The following GRK5 variants were observed in gnomAD, a reference collection of about 807,000 sequenced individuals.
The protein encoded by GRK5 is G protein-coupled receptor kinase 5, also known as g protein-coupled receptor kinase GRK5.
GRK5 carries 40 observed loss-of-function variants against 78.4 expected under a neutral mutation model. The ratio of observed to expected loss-of-function variants is 0.51; its 90% CI spans 0.40 to 0.66. GRK5 has a LOEUF of 0.66. Among genes scored for constraint, GRK5 ranks in the 30% least tolerant of loss-of-function variants. The pLI is 0.00. For missense variants in GRK5, 598 were observed against 759.9 expected (o/e 0.79, Z 2.50); for synonymous variants, 289 against 296.8 (o/e 0.97, Z 0.27).
chr10:119,296,272 A>G, intron 1 of GRK5, among the ~76,000 whole-genome samples: 1 of 152,236 alleles, frequency 6.6e-6, no homozygotes, highest in East Asian at 1.9e-4. Flanking sequence ...TTTGGAAAAG[A>G]ACCTTTCCTA....
At chr10:119,393,266 A>G (rs1589782369) in intron 3 of GRK5, among the ~76,000 whole-genome samples, 1 of 152,250 alleles carries the variant, frequency 6.6e-6, no homozygotes, top group Non-Finnish European at 1.5e-5. Flanking sequence ...TGATCCCGGC[A>G]GGGGAGGCCT....
At chr10:119,413,872 G>A (rs1852391688) in intron 4 of GRK5, among the ~76,000 whole-genome samples, 1 of 152,166 alleles carries the variant, frequency 6.6e-6, no homozygotes, top group South Asian at 2.1e-4. Context: ...CCTGGCTCCT[G>A]CTAAAGACCC....
At chr10:119,380,767 C>A in intron 2 of GRK5, 48 bp from the exon 3 acceptor site, 2 of 1,205,032 alleles carry the variant, frequency 1.7e-6, no homozygotes, top group Non-Finnish European at 2.5e-6. Flanking sequence ...GAAGGCCCTG[C>A]CTGGCCTTCT....
chr10:119,357,825 A>T (rs1037373788), intron 2 of GRK5, among the ~76,000 whole-genome samples: 8 of 146,176 alleles, frequency 5.5e-5, no homozygotes, highest in African/African-American at 1.0e-4. Context: ...CTCCAACATT[A>T]GCCATGCCAT....
intron 2 of GRK5, among the ~76,000 whole-genome samples, chr10:119,360,451 TG>T (rs1319078300): frequency 7.6e-6 from 1 of 131,756 alleles, no homozygotes; most frequent in African/African-American, 3.7e-5. Context: ...GGGAGGAGCC[TG>T]TGTGAGTGGG....
intron 1 of GRK5, among the ~76,000 whole-genome samples, chr10:119,293,267 T>A (rs1850015655): frequency 6.6e-6 from 1 of 152,160 alleles, no homozygotes; most frequent in Non-Finnish European, 1.5e-5. Context: ...CACCTGTGAT[T>A]CCAGCACTTT....
chr10:119,284,401 G>A (rs1031280000), intron 1 of GRK5, among the ~76,000 whole-genome samples: 10 of 152,088 alleles, frequency 6.6e-5, no homozygotes, highest in African/African-American at 2.2e-4. Flanking sequence ...ACCTCCCAAA[G>A]TGCTGGGATT....
At position 119,220,705 on chromosome 10, in the gene GRK5, C is replaced by T. The variant is rs550846991; in HGVS notation, c.52+12736C>T. 5.2e-4 allele frequency among the ~76,000 whole-genome samples: 79 copies of T among 151,546 alleles called. 4 individuals are homozygous for T. In the South Asian group the frequency reaches 0.015, roughly 29 times the overall value. On this transcript the variant is annotated intron_variant, in intron 1 of 15. Transcript: ENST00000392870. ...CAAGAATTAGCCAGGCATGGTGGCA[C>T]GCGCCTGTAATCTCGGCTACTTGGG...
chr10:119,393,997 GTCT>G (rs1393155611), intron 3 of GRK5, among the ~76,000 whole-genome samples: 1 of 147,066 alleles, frequency 6.8e-6, no homozygotes, highest in African/African-American at 2.5e-5. Context: ...GTGTGTGTGT[GTCT>G]GGGTCTGGGG....
intron 2 of GRK5, among the ~76,000 whole-genome samples, chr10:119,371,211 T>C (rs940362810): frequency 5.3e-5 from 8 of 152,058 alleles, no homozygotes; most frequent in Non-Finnish European, 1.2e-4. Context: ...CTGCAGCTTC[T>C]CCCCGCTCCC....
chr10:119,449,556 T>G (rs750991162), intron 13 of GRK5, among the ~76,000 whole-genome samples: 1 of 151,982 alleles, frequency 6.6e-6, no homozygotes, highest in Non-Finnish European at 1.5e-5. Context: ...ATCCCAGCAC[T>G]TGGGAAGGCT....
chr10:119,438,269 G>T (rs777162074), intron 9 of GRK5, among the ~76,000 whole-genome samples: 1 of 152,128 alleles, frequency 6.6e-6, no homozygotes, highest in African/African-American at 2.4e-5. Flanking sequence ...TTGAGAAAGG[G>T]CAGATGGGAG....
chr10:119,346,856 C>T (rs1182210188), intron 2 of GRK5, among the ~76,000 whole-genome samples: 1 of 152,178 alleles, frequency 6.6e-6, no homozygotes, highest in Non-Finnish European at 1.5e-5. Context: ...ACAGTGGTCC[C>T]CTCTGAGGGC....
intron 13 of GRK5, among the ~76,000 whole-genome samples, chr10:119,449,621 T>C (rs1223642463): frequency 6.7e-6 from 1 of 149,692 alleles, no homozygotes; most frequent in African/African-American, 2.5e-5. Flanking sequence ...TGAAACCCCA[T>C]CTCTACTAAA....
chr10:119,250,425 G>A (rs1470903574), intron 1 of GRK5, among the ~76,000 whole-genome samples: 1 of 151,560 alleles, frequency 6.6e-6, no homozygotes, highest in Admixed American at 6.6e-5. Context: ...GCAGGGTCTC[G>A]CTCTGTCACC....
chr10:119,272,379 C>A (rs1035276018), intron 1 of GRK5, among the ~76,000 whole-genome samples: 2 of 152,046 alleles, frequency 1.3e-5, no homozygotes, highest in African/African-American at 2.4e-5. Context: ...GAGTTCAAGA[C>A]CAGACTGGCC....
intron 13 of GRK5, among the ~76,000 whole-genome samples, chr10:119,449,401 T>G (rs2133916845): frequency 6.6e-6 from 1 of 152,224 alleles, no homozygotes; most frequent in South Asian, 2.1e-4. Flanking sequence ...TAGGTGCGGA[T>G]CAGTGTCCAT....
chr10:119,390,346 C>T (rs535889525), intron 3 of GRK5, among the ~76,000 whole-genome samples: 154 of 152,280 alleles, frequency 1.0e-3, no homozygotes, highest in African/African-American at 3.4e-3. Context: ...TCTCACATGG[C>T]GGGAGACAAG....
chr10:119,408,448 A>G (rs932503279), intron 4 of GRK5, among the ~76,000 whole-genome samples: 1 of 152,158 alleles, frequency 6.6e-6, no homozygotes, highest in Admixed American at 6.5e-5. Flanking sequence ...GGCAACAACC[A>G]AAGTATCCAT....
Sources: gnomAD v4.1 joint callset for allele counts (sites outside exome capture counted in the v4.1 genomes callset) on GRCh38, gnomAD v4.1.1 for gene constraint, MANE v1.5 for transcripts, NCBI Gene and HGNC (gene_info 2026-07-23, HGNC 2026-07-21) for gene names.